Variants in GRIK2 observed in about 807,000 individuals in gnomAD.
GRIK2 encodes glutamate receptor ionotropic, kainate 2.
In GRIK2, 32 loss-of-function variants were observed where a neutral mutation model predicts 100.3. That is an observed-to-expected ratio of 0.32 (90% CI 0.24 to 0.43). The LOEUF (loss-of-function observed/expected upper bound fraction) is 0.43, where lower values mean the gene tolerates loss of function less well. Ranked by LOEUF, GRIK2 falls within the 20% of genes least tolerant of loss-of-function variation. The probability of loss-of-function intolerance (pLI) is 1.00; values close to 1 mark genes in which losing one functional copy is unlikely to be tolerated. For missense variants in GRIK2, 843 were observed against 1,114.9 expected, an observed-to-expected ratio of 0.76 and a Z score of 3.47; for synonymous variants, 417 against 389.4, an observed-to-expected ratio of 1.07 and a Z score of -0.83.
intron 4 of GRIK2, among the ~76,000 whole-genome samples, chr6:101,673,637 A>G (rs941537715): frequency 1.3e-5 from 2 of 152,020 alleles, no homozygotes; most frequent in African/African-American, 2.4e-5. Context: ...TTCTCTTTTT[A>G]TTCATGTATT....
intron 10 of GRIK2, among the ~76,000 whole-genome samples, chr6:101,849,813 GTTT>G (rs36010543): frequency 5.0e-4 from 27 of 53,860 alleles, no homozygotes; most frequent in African/African-American, 1.7e-3. Flanking sequence ...AAAAAGGAGG[GTTT>G]TTTTTTTTTT....
chr6:101,422,229 A>G (rs998429777), intron 2 of GRIK2, among the ~76,000 whole-genome samples: 7 of 152,166 alleles, frequency 4.6e-5, no homozygotes, highest in Admixed American at 1.3e-4. Context: ...ATTAAATTAC[A>G]TTCCTCTGCT....
chr6:101,484,766 T>C (rs575973747), intron 2 of GRIK2, among the ~76,000 whole-genome samples: 1 of 152,258 alleles, frequency 6.6e-6, no homozygotes, highest in Non-Finnish European at 1.5e-5. Context: ...ATAGAAAGCC[T>C]ACTAGATTTT....
intron 7 of GRIK2, among the ~76,000 whole-genome samples, chr6:101,749,774 G>C (rs112328002): frequency 2.1e-5 from 3 of 145,532 alleles, no homozygotes; most frequent in Admixed American, 6.8e-5. Flanking sequence ...GCTAACTATT[G>C]CTTACTGAAA....
chr6:101,965,686 C>A (rs1298648513), intron 14 of GRIK2, among the ~76,000 whole-genome samples: 1 of 151,936 alleles, frequency 6.6e-6, no homozygotes, highest in African/African-American at 2.4e-5. Flanking sequence ...AGTATATTTG[C>A]CATTACTTGT....
chr6:101,516,515 T>C (rs1774593184), intron 2 of GRIK2, among the ~76,000 whole-genome samples: 1 of 152,074 alleles, frequency 6.6e-6, no homozygotes, highest in Non-Finnish European at 1.5e-5. Context: ...CAAATGATAC[T>C]GGGATAATTG....
intron 12 of GRIK2, among the ~76,000 whole-genome samples, chr6:101,912,756 A>G (rs1000296128): frequency 2.6e-5 from 4 of 151,578 alleles, no homozygotes; most frequent in African/African-American, 7.3e-5. Flanking sequence ...GCCATCCAGC[A>G]GTGGCCTGAG....
intron 1 of GRIK2, among the ~76,000 whole-genome samples, chr6:101,397,757 A>AT (rs373877862): frequency 1.8e-3 from 269 of 151,822 alleles, no homozygotes; most frequent in African/African-American, 5.4e-3. Flanking sequence ...CAGATAGGAT[A>AT]TTTTTTTGTG....
intron 14 of GRIK2, among the ~76,000 whole-genome samples, chr6:101,933,933 G>T (rs943640049): frequency 3.3e-5 from 5 of 151,744 alleles, no homozygotes; most frequent in African/African-American, 1.2e-4. Context: ...TTAATTTTTG[G>T]TACTGAGCAA....
intron 2 of GRIK2, among the ~76,000 whole-genome samples, chr6:101,431,707 G>GA (rs1769411842): frequency 6.6e-6 from 1 of 152,192 alleles, no homozygotes; most frequent in South Asian, 2.1e-4. Flanking sequence ...TTGACCATTT[G>GA]AAAAATGGAA....
intron 15 of GRIK2, among the ~76,000 whole-genome samples, chr6:102,053,767 C>A (rs1455084298): frequency 6.6e-6 from 1 of 152,016 alleles, no homozygotes; most frequent in Admixed American, 6.6e-5. Flanking sequence ...TAATAGATAG[C>A]CTCCATACAA....
rs990523622 is a variant in GRIK2 at position 102,048,402 on chromosome 6, A to T, written c.2312-6928A>T. ...AAGTTTCTGCAAAGGAAGGAAAAAAAATAATAGTGCGAAGGGACAACCTAG... is the reference window on the plus strand; with the variant it reads ...AAGTTTCTGCAAAGGAAGGAAAAAATATAATAGTGCGAAGGGACAACCTAG... On this transcript the variant is annotated intron_variant, in intron 15 of 16. Transcript: ENST00000369134. 1.3e-5 allele frequency among the ~76,000 whole-genome samples: 2 copies of T among 152,112 alleles called. 1 individual carries two copies. Among genetic ancestry groups the T allele is most frequent in the East Asian group, 3.9e-4 (2 of 5,158 alleles).
intron 7 of GRIK2, among the ~76,000 whole-genome samples, chr6:101,704,832 A>G (rs1773144573): frequency 6.6e-6 from 1 of 151,240 alleles, no homozygotes; most frequent in Non-Finnish European, 1.5e-5. Context: ...ATAACTAAAC[A>G]AGGAAACATT....
chr6:102,044,656 GA>G (rs1770783814), intron 15 of GRIK2, among the ~76,000 whole-genome samples: 1 of 151,950 alleles, frequency 6.6e-6, no homozygotes, highest in South Asian at 2.1e-4. Context: ...CAATACATGG[GA>G]ATTATGGGAG....
intron 14 of GRIK2, among the ~76,000 whole-genome samples, chr6:101,947,121 A>G (rs745573185): frequency 1.2e-4 from 19 of 152,214 alleles, no homozygotes; most frequent in Non-Finnish European, 2.2e-4. Context: ...TCAGGGGCTT[A>G]GAGTCCAGAA....
chr6:101,652,931 T>C (rs749468256), intron 4 of GRIK2, among the ~76,000 whole-genome samples: 1 of 152,090 alleles, frequency 6.6e-6, no homozygotes, highest in Non-Finnish European at 1.5e-5. Flanking sequence ...GGACAAGGCA[T>C]GAGGGGAAGA....
In GRIK2 at chr6:101,818,450, A is replaced by C; in HGVS notation, c.1284A>C (p.Leu428Phe). 1.2e-6 allele frequency: 2 copies of C among 1,608,032 alleles called. No homozygotes were observed. The highest frequency in any genetic ancestry group is 1.7e-6 in the Non-Finnish European group (2 of 1,174,546). The change falls in exon 10 of 17, where the codon TTA becomes TTC. Residue 428 changes from leucine (L) to phenylalanine (F), a missense_variant. Around this residue, in one of 3 missense-constraint regions of GRIK2, gnomAD observed 519 missense variants for 643.8 expected, o/e 0.81. Coordinates refer to ENST00000369134, the MANE Select transcript of GRIK2 (RefSeq NM_021956.5). ...AGCCAGCGAACATCACAGATTCCTT[A>C]TCCAATCGTTCTTTGATTGTTACCA... ...KGKPANITDS[L>F]SNRSLIVTTI...
At chr6:101,964,922 G>A (rs1223044) in intron 14 of GRIK2, among the ~76,000 whole-genome samples, 3,955 of 152,154 alleles carry the variant, frequency 0.026, 191 homozygotes, top group African/African-American at 0.091. Context: ...GATACATAAG[G>A]GCATAGGGTG....
At chr6:101,928,983 T>A (rs1790088677) in intron 14 of GRIK2, among the ~76,000 whole-genome samples, 1 of 152,220 alleles carries the variant, frequency 6.6e-6, no homozygotes, top group Non-Finnish European at 1.5e-5. Flanking sequence ...AAAACTTTGC[T>A]ATTCCAGAAG....
Sources: allele counts gnomAD v4.1 joint callset (sites outside exome capture counted in the v4.1 genomes callset), GRCh38; gene constraint gnomAD v4.1.1; regional missense constraint gnomAD v4.1.1; transcripts MANE v1.5; gene names NCBI Gene and HGNC (gene_info 2026-07-23, HGNC 2026-07-21).